Variants in IFNGR1 observed in about 807,000 individuals in gnomAD.
The protein encoded by IFNGR1 is interferon gamma receptor 1.
Under a neutral mutation model 35.4 loss-of-function variants are expected in IFNGR1, and 23 were observed. The ratio of observed to expected loss-of-function variants is 0.65; its 90% CI spans 0.47 to 0.92. The LOEUF (loss-of-function observed/expected upper bound fraction) is 0.92, where lower values mean the gene tolerates loss of function less well. Ranked by LOEUF, IFNGR1 falls within the 40% of genes least tolerant of loss-of-function variation. IFNGR1 has a pLI of 0.00. For synonymous variants in IFNGR1, 199 were observed against 209.5 expected (o/e 0.95, Z 0.43); for missense variants, 533 against 583.4 (o/e 0.91, Z 0.89).
At chr6:137,214,934 A>G (rs1305136436) in intron 1 of IFNGR1, among the ~76,000 whole-genome samples, 4 of 152,210 alleles carry the variant, frequency 2.6e-5, no homozygotes, top group African/African-American at 9.7e-5. Flanking sequence ...TGTTTTTTTA[A>G]AAGCCAACAC....
intron 5 of IFNGR1, among the ~76,000 whole-genome samples, 168 bp from the exon 6 acceptor site, chr6:137,201,176 G>T (rs148316758): frequency 4.9e-4 from 74 of 152,288 alleles, no homozygotes; most frequent in African/African-American, 1.7e-3. Context: ...AAAAAATTAG[G>T]TATCTGTCTT....
rs1310326534 is a variant in IFNGR1, at chr6:137,199,497, TAAAATATATA to T, written c.862-868_862-859del. On this transcript the variant is annotated intron_variant, in intron 6 of 6. Transcript: ENST00000367739. ...AATATATAATTTATAATATATTATATAAAATATATAATTTATAATATATTATATATAATAT... is the reference window on the plus strand; with the variant it reads ...AATATATAATTTATAATATATTATATATTTATAATATATTATATATAATAT... Among the ~76,000 whole-genome samples, 3 of 34,100 alleles carry T rather than the reference TAAAATATATA, an allele frequency of 8.8e-5. 1 individual carries two copies. The highest frequency in any genetic ancestry group is 6.7e-4 in the South Asian group (1 of 1,488). The allele number at this position is 34,100 out of a possible 152,430, so 22.4% of individuals were successfully genotyped here. A position where few individuals can be genotyped will look rare whatever the true frequency, so the allele number is the denominator to read the frequency against.
At chr6:137,213,992 C>A (rs1047754015) in intron 1 of IFNGR1, among the ~76,000 whole-genome samples, 2 of 152,220 alleles carry the variant, frequency 1.3e-5, no homozygotes, top group African/African-American at 4.8e-5. Context: ...ACAACCTGCT[C>A]ACCAACCTCT....
At chr6:137,198,752 G>A (rs767822512) in intron 6 of IFNGR1, 113 bp from the exon 7 acceptor site, 5 of 772,312 alleles carry the variant, frequency 6.5e-6, no homozygotes, top group Non-Finnish European at 1.1e-5. Flanking sequence ...TTAGGATAAT[G>A]GGTGAATCAG....
intron 2 of IFNGR1, 65 bp downstream of exon 2, chr6:137,206,898 T>C (rs1779443669): frequency 8.2e-7 from 1 of 1,225,666 alleles, no homozygotes; most frequent in Non-Finnish European, 1.2e-6. Context: ...AGAACACAGT[T>C]GTGGAATTTC....
rs1251722376 is a variant in IFNGR1, at chr6:137,199,514, A to T, written c.862-875T>A. Among the ~76,000 whole-genome samples the T allele has an allele frequency of 3.6e-3, 200 of 56,036 alleles. 5 individuals carry two copies. The highest frequency in any genetic ancestry group is 0.017 in the African/African-American group (179 of 10,588). The allele number at this position is 56,036 out of a possible 152,430, so 36.8% of individuals were successfully genotyped here. A position where few individuals can be genotyped will look rare whatever the true frequency, so the allele number is the denominator to read the frequency against. On this transcript the variant is annotated intron_variant, in intron 6 of 6. Transcript: ENST00000367739. ...ATATTATATAAAATATATAATTTATAATATATTATATATAATATATAATAT... is the reference window on the plus strand; with the variant it reads ...ATATTATATAAAATATATAATTTATTATATATTATATATAATATATAATAT...
At chr6:137,202,600 T>TACACACACAC (rs1491444766) in intron 5 of IFNGR1, among the ~76,000 whole-genome samples, 2 of 104,362 alleles carry the variant, frequency 1.9e-5, no homozygotes, top group Admixed American at 2.1e-4. Flanking sequence ...AAAATATATG[T>TACACACACAC]ATACACACAC....
At chr6:137,215,354 A>C in intron 1 of IFNGR1, 1 of 1,538,382 alleles carries the variant, frequency 6.5e-7, no homozygotes, top group Non-Finnish European at 8.8e-7. Context: ...ATTTTATTAC[A>C]TTATCACAAT....
rs768057694 is a variant in IFNGR1, at chr6:137,204,407, C to A, written c.471G>T (p.Gln157His). 3.1e-6 allele frequency: 5 copies of A among 1,613,890 alleles called. No homozygotes were observed. The East Asian group carries it at 1.1e-4, about 36-fold the overall frequency. The change falls in exon 4 of 7, where the codon CAG becomes CAT. Residue 157 changes from glutamine (Q) to histidine (H), a missense_variant. Physicochemically the swap from Gln to His is conservative, Grantham distance 24 (BLOSUM62 0). Coordinates refer to ENST00000367739, the MANE Select transcript of IFNGR1 (RefSeq NM_000416.3). ...HPSVFVNGDE[Q>H]EVDYDPETTC... ...TAGTTTCGGGATCATAATCGACTTC[C>A]TGCTCGTCTCCATTTACAAAAACTG... is the stretch of plus-strand genomic sequence containing the variant.
At chr6:137,202,665 G>T (rs1415905547) in intron 5 of IFNGR1, among the ~76,000 whole-genome samples, 5 of 149,352 alleles carry the variant, frequency 3.3e-5, no homozygotes, top group African/African-American at 1.2e-4. Flanking sequence ...ATCAAAGCAT[G>T]AGTTACAATA....
At chr6:137,203,790 G>A (rs1779357239) in intron 4 of IFNGR1, 105 bp from the exon 5 acceptor site, 1 of 920,970 alleles carries the variant, frequency 1.1e-6, no homozygotes, top group Non-Finnish European at 1.7e-6. Context: ...AAATATATAT[G>A]ATTGACTTGA....
intron 2 of IFNGR1, 24 bp from the exon 3 acceptor site, chr6:137,206,332 AGAT>A (rs1779428045): frequency 1.3e-6 from 2 of 1,554,960 alleles, no homozygotes; most frequent in Non-Finnish European, 1.8e-6. Flanking sequence ...AAAAATGCGA[AGAT>A]AACTTTTATT....
intron 5 of IFNGR1, among the ~76,000 whole-genome samples, chr6:137,201,977 ATT>A (rs5880340): frequency 1.4e-5 from 2 of 146,768 alleles, no homozygotes; most frequent in East Asian, 2.0e-4. Flanking sequence ...AATCTTCAGT[ATT>A]TTTTTTTTTT....
chr6:137,214,373 C>T (rs1275577236), intron 1 of IFNGR1, among the ~76,000 whole-genome samples: 3 of 152,178 alleles, frequency 2.0e-5, no homozygotes, highest in Non-Finnish European at 4.4e-5. Flanking sequence ...TTAATGCTTT[C>T]CAACTTTCAC....
At chr6:137,213,622 T>G (rs143636132) in intron 1 of IFNGR1, among the ~76,000 whole-genome samples, 70 of 152,178 alleles carry the variant, frequency 4.6e-4, no homozygotes, top group African/African-American at 1.6e-3. Context: ...CCAGTGAAGA[T>G]CAGCAGGTGA....
chr6:137,204,991 G>C (rs1779396925), intron 3 of IFNGR1, among the ~76,000 whole-genome samples: 1 of 152,134 alleles, frequency 6.6e-6, no homozygotes, highest in Non-Finnish European at 1.5e-5. Context: ...TTGAGACTTT[G>C]TTGTGAACCA....
Position 137,219,315 on chromosome 6 carries a change from A to G in IFNGR1, c.13T>C (p.Phe5Leu), listed in dbSNP as rs749066245. The G allele has an allele frequency of 4.4e-6, 7 of 1,609,074 alleles. No individual in the cohort carries two copies. Among genetic ancestry groups the G allele is most frequent in the Non-Finnish European group, 5.9e-6 (7 of 1,178,160 alleles). The change falls in exon 1 of 7, where the codon TTT (phenylalanine) becomes CTT (leucine). Residue 5 changes from phenylalanine to leucine, a missense_variant. Physicochemically the swap from Phe to Leu is conservative, Grantham distance 22. Transcript: ENST00000367739. MALL[F>L]LLPLVMQGVS... Reference sequence around the variant, plus strand: ...CCCTGCATGACAAGGGGTAGGAGAAAGAGGAGAGCCATGCTGCTACCGACG... The same window carrying G: ...CCCTGCATGACAAGGGGTAGGAGAAGGAGGAGAGCCATGCTGCTACCGACG...
chr6:137,210,597 TGA>T (rs1337351257), intron 1 of IFNGR1, among the ~76,000 whole-genome samples: 1 of 152,196 alleles, frequency 6.6e-6, no homozygotes, highest in East Asian at 1.9e-4. Context: ...TCAAAAATTG[TGA>T]GAGGGACAGA....
chr6:137,199,257 A>C (rs1779178531), intron 6 of IFNGR1, among the ~76,000 whole-genome samples: 1 of 138,954 alleles, frequency 7.2e-6, no homozygotes, highest in Admixed American at 8.3e-5. Context: ...ACTAAATAAT[A>C]CTAAATAAAC....
Sources: allele counts gnomAD v4.1 joint callset (sites outside exome capture counted in the v4.1 genomes callset), GRCh38; gene constraint gnomAD v4.1.1; transcripts MANE v1.5; gene names NCBI Gene and HGNC (gene_info 2026-07-23, HGNC 2026-07-21).